IL22RA1: variants seen among roughly 807,000 people sequenced by gnomAD.
The protein encoded by IL22RA1 is interleukin 22 receptor subunit alpha 1, also known as interleukin-22 receptor subunit alpha-1.
In IL22RA1, 25 loss-of-function variants were observed where a neutral mutation model predicts 32.8. The observed-to-expected ratio is 0.76, with a 90% confidence interval of 0.55 to 1.06. The LOEUF (loss-of-function observed/expected upper bound fraction) is 1.06. IL22RA1 is among the 50% of genes least tolerant of loss of function. The pLI, the probability that IL22RA1 is intolerant of heterozygous loss-of-function variation, is 0.00. For missense variants in IL22RA1, 709 were observed against 727.4 expected, an observed-to-expected ratio of 0.97 and a Z score of 0.29; for synonymous variants, 305 against 305.0, an observed-to-expected ratio of 1.00 and a Z score of 0.00.
rs753262129 is a variant in IL22RA1, at chr1:24,143,118, C to T, written c.-36G>A. On this transcript the variant is annotated 5_prime_UTR_variant, in exon 1 of 7. Coordinates refer to ENST00000270800, the MANE Select transcript of IL22RA1 (RefSeq NM_021258.4). ...ACAGAGCCCTCCCTTGGCCTCTACTCTGCCGTGCACAGAGAGAGGGCTGGG... is the reference window on the plus strand; with the variant it reads ...ACAGAGCCCTCCCTTGGCCTCTACTTTGCCGTGCACAGAGAGAGGGCTGGG... The T allele has an allele frequency of 4.4e-6, 7 of 1,583,216 alleles. No individual in the cohort carries two copies. The African/African-American group carries it at 6.8e-5, about 15-fold the overall frequency.
intron 2 of IL22RA1, among the ~76,000 whole-genome samples, chr1:24,138,329 G>GT (rs1644257115): frequency 1.3e-5 from 2 of 152,208 alleles, no homozygotes; most frequent in East Asian, 3.8e-4. Flanking sequence ...GCTTCGTGAG[G>GT]TTACCTGCCC....
chr1:24,132,333 G>GTT (rs756832081), intron 4 of IL22RA1, among the ~76,000 whole-genome samples: 132 of 135,234 alleles, frequency 9.8e-4, no homozygotes, highest in Middle Eastern at 3.8e-3. Context: ...TTGTGTGTGT[G>GTT]TTTTTTTTTT....
At position 24,137,988 on chromosome 1, in the gene IL22RA1, A is replaced by G. The variant is rs142163964; in HGVS notation, c.176+594T>C. On this transcript the variant is annotated intron_variant, in intron 2 of 6. Coordinates refer to ENST00000270800, the MANE Select transcript of IL22RA1 (RefSeq NM_021258.4). Reference sequence around the variant, plus strand: ...GTGGGCCCTGTTATCCCCATTTTACAGATGAGAGAAATGAGGCTCAGAGAG... The same window carrying G: ...GTGGGCCCTGTTATCCCCATTTTACGGATGAGAGAAATGAGGCTCAGAGAG... 2.3e-4 allele frequency among the ~76,000 whole-genome samples: 35 copies of G among 152,228 alleles called. 1 individual carries two copies. The highest frequency in any genetic ancestry group is 8.2e-4 in the African/African-American group (34 of 41,534).
rs1644107008 is a variant in IL22RA1, at chr1:24,119,829, G to T, written c.*976C>A. 1 of 152,254 alleles carries T rather than the reference G, an allele frequency of 6.6e-6. No homozygotes were observed. Among genetic ancestry groups the T allele is most frequent in the African/African-American group, 2.4e-5 (1 of 41,458 alleles). 9.4% of individuals were successfully genotyped at this position (152,254 alleles called of 1,614,324 possible). On this transcript the variant is annotated 3_prime_UTR_variant, in exon 7 of 7. Coordinates refer to ENST00000270800, the MANE Select transcript of IL22RA1 (RefSeq NM_021258.4). ...ACCAGGCACTATTAAGCACTTTAAA[G>T]ACATGACTTCATTTCATCTTCACCA...
chr1:24,123,607 T>C, intron 5 of IL22RA1, 184 bp from the exon 6 acceptor site: 2 of 1,304,008 alleles, frequency 1.5e-6, no homozygotes, highest in Non-Finnish European at 2.0e-6. Context: ...TAGTCAGAAT[T>C]TACAAATTAT....
At position 24,121,618 on chromosome 1, in the gene IL22RA1, GA is replaced by G. The variant is rs1425767309; in HGVS notation, c.911del (p.Ile304ThrfsTer24). The G allele has an allele frequency of 6.2e-7, 1 of 1,613,086 alleles. No homozygotes were observed. The highest frequency in any genetic ancestry group is 8.5e-7 in the Non-Finnish European group (1 of 1,179,314). The stretch of plus-strand genomic sequence containing the variant: ...CGGGCTCCCTGGGTCCAGACACCCT[GA>G]TCTGGGAGTACTGGACAGGCTGGGC... ...SLAQPVQYSQ[I>X]RVSGPREPAG... On this transcript the variant is annotated frameshift_variant, in exon 7 of 7. Coordinates refer to ENST00000270800, the MANE Select transcript of IL22RA1 (RefSeq NM_021258.4). LOFTEE classifies it low-confidence loss of function (END_TRUNC).
chr1:24,138,486 G>A (rs1316968517), intron 2 of IL22RA1, 96 bp downstream of exon 2: 1 of 1,380,100 alleles, frequency 7.2e-7, no homozygotes, highest in Non-Finnish European at 1.0e-6. Flanking sequence ...ACCAGTCCTG[G>A]TGGGGACATG....
intron 3 of IL22RA1, chr1:24,134,926 G>T: frequency 2.8e-6 from 2 of 711,242 alleles, no homozygotes; most frequent in Non-Finnish European, 3.4e-6. Context: ...TGAATGCTGT[G>T]GGTCTTCTTC....
intron 3 of IL22RA1, 77 bp downstream of exon 3, chr1:24,137,054 G>A: frequency 7.0e-7 from 1 of 1,418,808 alleles, no homozygotes. Flanking sequence ...ACTCCAGAGG[G>A]GAAGAGGCCA....
intron 4 of IL22RA1, among the ~76,000 whole-genome samples, chr1:24,130,633 A>T (rs1644198045): frequency 6.6e-6 from 1 of 152,256 alleles, no homozygotes; most frequent in South Asian, 2.1e-4. Flanking sequence ...CAAAGAAAGA[A>T]TATGCGACCC....
At chr1:24,127,650 T>C (rs1644174917) in intron 5 of IL22RA1, among the ~76,000 whole-genome samples, 1 of 152,184 alleles carries the variant, frequency 6.6e-6, no homozygotes, top group Admixed American at 6.5e-5. Flanking sequence ...CCTCAGGTTC[T>C]TCATCTGTAA....
intron 1 of IL22RA1, among the ~76,000 whole-genome samples, chr1:24,141,938 G>A (rs367739852): frequency 1.4e-4 from 21 of 152,142 alleles, no homozygotes; most frequent in Non-Finnish European, 2.6e-4. Context: ...GCCTAAGATT[G>A]GGGGGGTGAG....
At chr1:24,128,419 C>T (rs1027167870) in intron 4 of IL22RA1, 140 bp from the exon 5 acceptor site, 1 of 982,560 alleles carries the variant, frequency 1.0e-6, no homozygotes, top group African/African-American at 1.6e-5. Context: ...ATTCCCCTCC[C>T]TTCTGCTTTA....
intron 1 of IL22RA1, among the ~76,000 whole-genome samples, chr1:24,140,114 A>G (rs1313619396): frequency 6.6e-6 from 1 of 152,260 alleles, no homozygotes; most frequent in Non-Finnish European, 1.5e-5. Flanking sequence ...TGTGAAGTGC[A>G]CAGCCTCTTT....
intron 4 of IL22RA1, among the ~76,000 whole-genome samples, chr1:24,132,979 G>A (rs1224243551): frequency 6.6e-6 from 1 of 151,778 alleles, no homozygotes; most frequent in Non-Finnish European, 1.5e-5. Flanking sequence ...AACAATCTGA[G>A]CAAGTGACTT....
intron 4 of IL22RA1, among the ~76,000 whole-genome samples, chr1:24,131,483 AG>A (rs1557629064): frequency 6.6e-6 from 1 of 152,228 alleles, no homozygotes; most frequent in Non-Finnish European, 1.5e-5. Context: ...ATATCGATAA[AG>A]TAGACTTCAA....
intron 2 of IL22RA1, among the ~76,000 whole-genome samples, chr1:24,137,703 A>G (rs1644252201): frequency 6.6e-6 from 1 of 151,714 alleles, no homozygotes. Flanking sequence ...TTTAGTAGAG[A>G]CAGTATGGCC....
At chr1:24,127,134 G>A (rs1046013949) in intron 5 of IL22RA1, among the ~76,000 whole-genome samples, 1 of 152,020 alleles carries the variant, frequency 6.6e-6, no homozygotes, top group Non-Finnish European at 1.5e-5. Flanking sequence ...GTAGTGAGCC[G>A]AGATTGTGCC....
At chr1:24,132,159 A>G (rs1644209627) in intron 4 of IL22RA1, among the ~76,000 whole-genome samples, 1 of 151,952 alleles carries the variant, frequency 6.6e-6, no homozygotes, top group Non-Finnish European at 1.5e-5. Flanking sequence ...GAGGTTCTCA[A>G]GCTTTGCGTT....
Sources: allele counts gnomAD v4.1 joint callset (sites outside exome capture counted in the v4.1 genomes callset), GRCh38; gene constraint gnomAD v4.1.1; transcripts MANE v1.5; gene names NCBI Gene and HGNC (gene_info 2026-07-23, HGNC 2026-07-21).